The following VNN1 variants were observed in gnomAD, a reference collection of about 807,000 sequenced individuals.
VNN1 encodes vanin 1, also known as pantetheinase.
VNN1 carries 29 observed loss-of-function variants against 41.9 expected under a neutral mutation model. The ratio of observed to expected loss-of-function variants is 0.69; its 90% confidence interval spans 0.52 to 0.94. The LOEUF (loss-of-function observed/expected upper bound fraction) is 0.94, where lower values mean the gene tolerates loss of function less well. VNN1 is among the 40% of genes least tolerant of loss of function. VNN1 has a pLI of 0.00. For missense variants in VNN1, 637 were observed against 621.1 expected (o/e 1.03, Z -0.27); for synonymous variants, 233 against 224.4 (o/e 1.04, Z -0.34).
chr6:132,697,750 A>C (rs2114355073), intron 2 of VNN1, among the ~76,000 whole-genome samples: 1 of 152,216 alleles, frequency 6.6e-6, no homozygotes, highest in Non-Finnish European at 1.5e-5. Context: ...AGATTGGAAA[A>C]GGATATAATA....
chr6:132,709,031 T>C (rs1778557655), intron 2 of VNN1, among the ~76,000 whole-genome samples: 2 of 152,224 alleles, frequency 1.3e-5, no homozygotes, highest in South Asian at 4.1e-4. Flanking sequence ...AGGTCTTTGC[T>C]GAAATCTCAC....
chr6:132,699,970 A>G (rs1778427908), intron 2 of VNN1, among the ~76,000 whole-genome samples: 1 of 152,226 alleles, frequency 6.6e-6, no homozygotes, highest in Non-Finnish European at 1.5e-5. Context: ...AAGTAGCACT[A>G]AAATTGTGTT....
At position 132,682,014 on chromosome 6, in the gene VNN1, G is replaced by A. The variant is rs1778131718; in HGVS notation, c.*1126C>T. 1 of 152,202 alleles carries A rather than the reference G, an allele frequency of 6.6e-6. No homozygotes were observed. The highest frequency in any genetic ancestry group is 2.4e-5 in the African/African-American group (1 of 41,452). 9.4% of individuals were successfully genotyped at this position (152,202 alleles called of 1,614,324 possible). A position where few individuals can be genotyped will look rare whatever the true frequency, so the allele number is the denominator to read the frequency against. ...GTGCTCAGAGTCTATCAGTCAGTTG[G>A]GAGATATTTTGGCTTAAATGATGTT... On this transcript the variant is annotated 3_prime_UTR_variant, in exon 7 of 7. Coordinates refer to ENST00000367928, the MANE Select transcript of VNN1 (RefSeq NM_004666.3).
At chr6:132,706,021 A>C (rs1778512460) in intron 2 of VNN1, among the ~76,000 whole-genome samples, 1 of 152,180 alleles carries the variant, frequency 6.6e-6, no homozygotes, top group South Asian at 2.1e-4. Context: ...AGAGGACACA[A>C]AACATGGAAA....
intron 2 of VNN1, chr6:132,699,022 A>G: frequency 4.7e-6 from 1 of 210,992 alleles, no homozygotes. Flanking sequence ...TACTGGACAG[A>G]TTCCTGTGTT....
rs750072897 is a variant in VNN1 at position 132,692,257 on chromosome 6, C to T, written c.1154G>A (p.Gly385Glu). ...NEVYALGAFD[G>E]LHTVEGRYYL... ...ATAGCGCCCTTCCACAGTGTGCAGT[C>T]CGTCAAATGCCCCTAGAGCGTACAC... The change falls in exon 5 of 7, where the codon GGA (glycine) becomes GAA (glutamate). Residue 385 changes from glycine (G) to glutamate (E), a missense_variant. Physicochemically the swap from Gly to Glu is moderately conservative, Grantham distance 98. Transcript: ENST00000367928. 20 of 1,607,420 alleles carry T rather than the reference C, an allele frequency of 1.2e-5. No individual in the cohort carries two copies. The highest frequency in any genetic ancestry group is 1.5e-5 in the Non-Finnish European group (18 of 1,176,642).
chr6:132,684,529 A>T, intron 5 of VNN1, 24 bp from the exon 6 acceptor site: 2 of 1,612,048 alleles, frequency 1.2e-6, no homozygotes, highest in South Asian at 2.2e-5. Context: ...GAAAACCAGT[A>T]AGTCATAAGA....
At chr6:132,705,977 A>G (rs1582777624) in intron 2 of VNN1, among the ~76,000 whole-genome samples, 1 of 152,324 alleles carries the variant, frequency 6.6e-6, no homozygotes, top group South Asian at 2.1e-4. Context: ...GCTCTCTACA[A>G]TGAAGTCTGT....
In VNN1 at chr6:132,680,957, T is replaced by C. The variant is rs1778109651; in HGVS notation, c.*2183A>G. Among the ~76,000 whole-genome samples, 1 of 152,180 alleles carries C rather than the reference T, an allele frequency of 6.6e-6. No individual in the cohort carries two copies. Among genetic ancestry groups the C allele is most frequent in the Non-Finnish European group, 1.5e-5 (1 of 68,032 alleles). ...AGTGTATTTTGAAATACATATCACA[T>C]ATAGCAAAAAGAAAAGGAAAACAAT... On this transcript the variant is annotated 3_prime_UTR_variant, in exon 7 of 7. Coordinates refer to ENST00000367928, the MANE Select transcript of VNN1 (RefSeq NM_004666.3).
chr6:132,712,004 T>A (rs1240234851), intron 1 of VNN1, among the ~76,000 whole-genome samples, 165 bp from the exon 2 acceptor site: 1 of 152,152 alleles, frequency 6.6e-6, no homozygotes, highest in African/African-American at 2.4e-5. Context: ...AATTTCCTTT[T>A]TTTTCAGTGC....
At chr6:132,692,645 T>A in intron 4 of VNN1, 61 bp from the exon 5 acceptor site, 1 of 1,501,608 alleles carries the variant, frequency 6.7e-7, no homozygotes, top group Non-Finnish European at 8.8e-7. Flanking sequence ...ATTTCATAAT[T>A]GTTATTACTA....
At chr6:132,702,790 A>T (rs1778467180) in intron 2 of VNN1, among the ~76,000 whole-genome samples, 1 of 152,216 alleles carries the variant, frequency 6.6e-6, no homozygotes, top group South Asian at 2.1e-4. Flanking sequence ...TTCTTGCCTT[A>T]AATGGAAGGA....
intron 5 of VNN1, among the ~76,000 whole-genome samples, chr6:132,690,033 G>C (rs968284241): frequency 6.6e-6 from 1 of 152,092 alleles, no homozygotes; most frequent in African/African-American, 2.4e-5. Context: ...TGGCCACTGA[G>C]TTCCATTTTC....
Position 132,682,985 on chromosome 6 carries a change from A to G in VNN1, c.*155T>C. ...AATCTACATTAACAGATAATTTATT[A>G]AGTTTATATTATCTGGTGTGTGTGT... On this transcript the variant is annotated 3_prime_UTR_variant, in exon 7 of 7. Coordinates refer to ENST00000367928, the MANE Select transcript of VNN1 (RefSeq NM_004666.3). 1 of 518,102 alleles carries G rather than the reference A, an allele frequency of 1.9e-6. No homozygotes were observed. 32.1% of individuals were successfully genotyped at this position (518,102 alleles called of 1,614,324 possible).
chr6:132,689,036 C>T (rs562562126), intron 5 of VNN1, among the ~76,000 whole-genome samples: 2 of 152,104 alleles, frequency 1.3e-5, no homozygotes, highest in Non-Finnish European at 2.9e-5. Flanking sequence ...TTGCAGGCGC[C>T]TGCCACCATG....
intron 2 of VNN1, among the ~76,000 whole-genome samples, 168 bp downstream of exon 2, chr6:132,711,541 C>G (rs1020324701): frequency 1.1e-4 from 16 of 152,176 alleles, no homozygotes; most frequent in Non-Finnish European, 1.6e-4. Context: ...TCTGTGACTT[C>G]ATAATTCATA....
chr6:132,695,250 A>G (rs1169986800), intron 2 of VNN1, among the ~76,000 whole-genome samples: 1 of 152,174 alleles, frequency 6.6e-6, no homozygotes, highest in Non-Finnish European at 1.5e-5. Flanking sequence ...CCTAGATAAC[A>G]ATTGCACTGT....
chr6:132,703,019 G>A (rs1329457355), intron 2 of VNN1, among the ~76,000 whole-genome samples: 1 of 152,074 alleles, frequency 6.6e-6, no homozygotes, highest in Non-Finnish European at 1.5e-5. Flanking sequence ...TTACAAATTG[G>A]GTACCAACTT....
chr6:132,684,779 T>C (rs1778184457), intron 5 of VNN1, among the ~76,000 whole-genome samples: 1 of 152,086 alleles, frequency 6.6e-6, no homozygotes, highest in African/African-American at 2.4e-5. Context: ...AAAATGCCTA[T>C]GCCACTTTAT....
Sources: gnomAD v4.1 joint callset for allele counts (sites outside exome capture counted in the v4.1 genomes callset) on GRCh38, gnomAD v4.1.1 for gene constraint, MANE v1.5 for transcripts, NCBI Gene and HGNC (gene_info 2026-07-23, HGNC 2026-07-21) for gene names.